The following TPRG1 variants were observed in gnomAD, a reference collection of about 807,000 sequenced individuals.
The protein encoded by TPRG1 is tumor protein p63 regulated 1, also known as tumor protein p63-regulated gene 1 protein.
A neutral mutation model predicts 29.3 loss-of-function variants in TPRG1; 29 were observed. That is an observed-to-expected ratio of 0.99 (90% confidence interval 0.74 to 1.35). The LOEUF (loss-of-function observed/expected upper bound fraction) is 1.35. TPRG1 is among the 40% of genes most tolerant of loss of function. The probability of loss-of-function intolerance (pLI) is 0.00; values close to 1 mark genes in which losing one functional copy is unlikely to be tolerated. For missense variants in TPRG1, 327 were observed against 335.0 expected, an observed-to-expected ratio of 0.98 and a Z score of 0.19; for synonymous variants, 130 against 116.8, an observed-to-expected ratio of 1.11 and a Z score of -0.73.
At chr3:189,240,194 T>G (rs1475836431) in intron 4 of TPRG1, 1 of 152,194 alleles carries the variant, frequency 6.6e-6, no homozygotes, top group Admixed American at 6.6e-5. Context: ...AGTGATTAAT[T>G]TATTAAGTTC....
chr3:189,301,171 C>T (rs564172751), intron 4 of TPRG1, among the ~76,000 whole-genome samples: 67 of 151,756 alleles, frequency 4.4e-4, no homozygotes, highest in African/African-American at 9.7e-4. Flanking sequence ...TGGTGTCACA[C>T]GCCTGTAGTC....
At chr3:189,316,451 A>C (rs2109347563) in intron 5 of TPRG1, among the ~76,000 whole-genome samples, 1 of 152,284 alleles carries the variant, frequency 6.6e-6, no homozygotes, top group East Asian at 1.9e-4. Context: ...CAGGCTCAGA[A>C]AACCAGCTCA....
At chr3:189,277,153 G>A (rs937473911) in intron 4 of TPRG1, among the ~76,000 whole-genome samples, 2 of 152,106 alleles carry the variant, frequency 1.3e-5, no homozygotes, top group East Asian at 3.9e-4. Flanking sequence ...GCAGCCATGT[G>A]GCTTTCTGCC....
chr3:189,185,080 C>T (rs1730735752), intron 1 of TPRG1, among the ~76,000 whole-genome samples: 1 of 152,182 alleles, frequency 6.6e-6, no homozygotes, highest in Non-Finnish European at 1.5e-5. Context: ...AAACTAAGTG[C>T]ATTTTCATGT....
At chr3:189,030,243 A>G (rs977908675) in intron 4 of TPRG1, among the ~76,000 whole-genome samples, 7 of 152,140 alleles carry the variant, frequency 4.6e-5, no homozygotes, top group Admixed American at 6.6e-5. Flanking sequence ...AAAATAAGGA[A>G]ATTGTGTGAG....
intron 1 of TPRG1, among the ~76,000 whole-genome samples, chr3:189,180,373 A>C (rs972349772): frequency 6.6e-6 from 1 of 152,196 alleles, no homozygotes; most frequent in Admixed American, 6.5e-5. Context: ...CATCTGAGAC[A>C]AGGCAAGTCC....
intron 3 of TPRG1, among the ~76,000 whole-genome samples, chr3:189,215,684 T>C (rs1318474324): frequency 6.6e-6 from 1 of 151,940 alleles, no homozygotes; most frequent in Non-Finnish European, 1.5e-5. Flanking sequence ...TCTCTCATTC[T>C]AATCTCTTAT....
intron 1 of TPRG1, among the ~76,000 whole-genome samples, chr3:189,101,734 A>G (rs903435657): frequency 6.6e-6 from 1 of 151,880 alleles, no homozygotes; most frequent in Non-Finnish European, 1.5e-5. Context: ...TCTGCACCAA[A>G]CTTCTCCAAC....
chr3:189,197,129 A>T (rs1377545126), intron 1 of TPRG1, among the ~76,000 whole-genome samples: 1 of 152,202 alleles, frequency 6.6e-6, no homozygotes, highest in African/African-American at 2.4e-5. Context: ...GGCTTGCTTT[A>T]ATGTGTAGGC....
chr3:189,241,764 T>A (rs1740639180), intron 4 of TPRG1, among the ~76,000 whole-genome samples: 1 of 152,122 alleles, frequency 6.6e-6, no homozygotes, highest in African/African-American at 2.4e-5. Context: ...TGAGATTTGA[T>A]GAGTTTATTA....
chr3:189,090,033 A>T (rs1718238386), intron 4 of TPRG1, among the ~76,000 whole-genome samples: 1 of 152,082 alleles, frequency 6.6e-6, no homozygotes, highest in Non-Finnish European at 1.5e-5. Flanking sequence ...ACTTTTCAAT[A>T]GCCATTGGAT....
intron 4 of TPRG1, among the ~76,000 whole-genome samples, chr3:189,292,606 C>G (rs1719201744): frequency 6.6e-6 from 1 of 152,154 alleles, no homozygotes; most frequent in Admixed American, 6.5e-5. Flanking sequence ...ACCACTCTTA[C>G]CTCTTCTTCC....
chr3:189,034,351 A>C (rs775394627), intron 4 of TPRG1, among the ~76,000 whole-genome samples: 37 of 152,226 alleles, frequency 2.4e-4, no homozygotes, highest in Non-Finnish European at 3.5e-4. Context: ...AAAAGCTTAC[A>C]GAAAGATTAA....
chr3:189,072,882 T>G (rs771874182), intron 4 of TPRG1, among the ~76,000 whole-genome samples: 1 of 152,172 alleles, frequency 6.6e-6, no homozygotes, highest in Non-Finnish European at 1.5e-5. Context: ...TCTCATTAAT[T>G]TCCTTACTCA....
intron 1 of TPRG1, among the ~76,000 whole-genome samples, chr3:189,178,622 G>A (rs1560518163): frequency 1.3e-5 from 2 of 152,172 alleles, no homozygotes; most frequent in Non-Finnish European, 2.9e-5. Context: ...AGTAGTTCTG[G>A]TAAGAGTTAT....
intron 5 of TPRG1, among the ~76,000 whole-genome samples, chr3:189,318,490 A>G (rs1723901491): frequency 6.6e-6 from 1 of 152,188 alleles, no homozygotes. Flanking sequence ...TTTGGATTAA[A>G]TCATTGATTG....
At chr3:189,119,869 C>T (rs886305831) in intron 1 of TPRG1, among the ~76,000 whole-genome samples, 5 of 152,134 alleles carry the variant, frequency 3.3e-5, no homozygotes, top group South Asian at 2.1e-4. Flanking sequence ...GACTAATACA[C>T]GCAGGTTCCA....
chr3:189,320,474 TA>T (rs1182837921), intron 5 of TPRG1, 151 bp from the exon 6 acceptor site: 2 of 589,146 alleles, frequency 3.4e-6, no homozygotes, highest in Non-Finnish European at 5.5e-6. Flanking sequence ...ATTAACTTAA[TA>T]GAGATAAATT....
intron 1 of TPRG1, chr3:189,207,120 C>T (rs1487298883): frequency 2.1e-6 from 2 of 963,182 alleles, no homozygotes; most frequent in South Asian, 9.6e-5. Context: ...GTTCCTGTCT[C>T]CTGGGATTAA....
Sources: allele counts gnomAD v4.1 joint callset (sites outside exome capture counted in the v4.1 genomes callset), GRCh38; gene constraint gnomAD v4.1.1; transcripts MANE v1.5; gene names NCBI Gene and HGNC (gene_info 2026-07-23, HGNC 2026-07-21).